SUSD1: variants seen among roughly 807,000 people sequenced by gnomAD.
The protein encoded by SUSD1 is sushi domain-containing protein 1.
Under a neutral mutation model 86.9 loss-of-function variants are expected in SUSD1, and 65 were observed. The ratio of observed to expected loss-of-function variants is 0.75; its 90% CI spans 0.61 to 0.92. SUSD1 has a LOEUF of 0.92. Ranked by LOEUF, SUSD1 falls within the 40% of genes least tolerant of loss-of-function variation. The pLI is 0.00. For missense variants in SUSD1, 850 were observed against 929.7 expected, an observed-to-expected ratio of 0.91 and a Z score of 1.11; for synonymous variants, 346 against 350.0, an observed-to-expected ratio of 0.99 and a Z score of 0.13.
intron 12 of SUSD1, among the ~76,000 whole-genome samples, chr9:112,076,585 TA>T (rs1829524795): frequency 6.6e-6 from 1 of 152,136 alleles, no homozygotes; most frequent in Admixed American, 6.5e-5. Context: ...AGGACATGTG[TA>T]GAAGTTGGGT....
At chr9:112,155,994 G>GAGAA (rs532253691) in intron 2 of SUSD1, among the ~76,000 whole-genome samples, 3 of 150,878 alleles carry the variant, frequency 2.0e-5, no homozygotes, top group Middle Eastern at 3.4e-3. Context: ...GAAAGAAAGA[G>GAGAA]AGAAAGAAAG....
intron 8 of SUSD1, among the ~76,000 whole-genome samples, chr9:112,109,744 T>C (rs1217857441): frequency 6.6e-6 from 1 of 152,242 alleles, no homozygotes; most frequent in African/African-American, 2.4e-5. Context: ...AGGTGAGTGA[T>C]GATCTTTTAA....
intron 8 of SUSD1, among the ~76,000 whole-genome samples, chr9:112,108,821 AAAAGAG>A (rs1589667192): frequency 1.4e-5 from 2 of 147,104 alleles, no homozygotes; most frequent in East Asian, 3.9e-4. Context: ...AAGAAAAAAA[AAAAGAG>A]AGAGAGAAAC....
intron 10 of SUSD1, among the ~76,000 whole-genome samples, chr9:112,086,562 G>GAAAGAAAGAAAGAAAGAAAGAC: frequency 7.6e-6 from 1 of 131,062 alleles, no homozygotes; most frequent in African/African-American, 3.4e-5. Context: ...AAGAAAGAAA[G>GAAAGAAAGAAAGAAAGAAAGAC]AGAGAGAGAG....
intron 5 of SUSD1, among the ~76,000 whole-genome samples, chr9:112,130,805 C>G (rs1251964338): frequency 6.8e-6 from 1 of 147,290 alleles, no homozygotes; most frequent in African/African-American, 2.6e-5. Flanking sequence ...GGGCAGATCA[C>G]TTTGAGCTCA....
intron 12 of SUSD1, among the ~76,000 whole-genome samples, chr9:112,070,384 C>A (rs557103890): frequency 6.6e-6 from 1 of 152,232 alleles, no homozygotes; most frequent in Non-Finnish European, 1.5e-5. Context: ...TTCTCAGCCA[C>A]ATTTCGAGGT....
At chr9:112,071,417 G>A (rs1829264618) in intron 12 of SUSD1, among the ~76,000 whole-genome samples, 1 of 151,972 alleles carries the variant, frequency 6.6e-6, no homozygotes, top group Non-Finnish European at 1.5e-5. Context: ...CTATGATTGT[G>A]CCACAGCACT....
chr9:112,120,963 G>C (rs917592421), intron 6 of SUSD1, among the ~76,000 whole-genome samples: 4 of 152,190 alleles, frequency 2.6e-5, no homozygotes, highest in Non-Finnish European at 5.9e-5. Flanking sequence ...CCCAAACATT[G>C]AATTCAGCAT....
intron 5 of SUSD1, among the ~76,000 whole-genome samples, chr9:112,136,335 G>A (rs1374931047): frequency 1.3e-5 from 2 of 152,200 alleles, no homozygotes; most frequent in East Asian, 1.9e-4. Flanking sequence ...CTGGGTTCAA[G>A]TGATCCTCCC....
intron 1 of SUSD1, among the ~76,000 whole-genome samples, chr9:112,171,958 G>C (rs757175408): frequency 2.0e-5 from 3 of 152,146 alleles, no homozygotes; most frequent in Admixed American, 6.5e-5. Context: ...CAATTTGGGA[G>C]GCTGAGGCGG....
intron 5 of SUSD1, among the ~76,000 whole-genome samples, chr9:112,129,509 C>T (rs994294530): frequency 6.6e-6 from 1 of 152,114 alleles, no homozygotes; most frequent in Non-Finnish European, 1.5e-5. Flanking sequence ...TATGGGGTTT[C>T]ACCATGTTGC....
intron 3 of SUSD1, among the ~76,000 whole-genome samples, 188 bp from the exon 4 acceptor site, chr9:112,143,811 A>G (rs943010001): frequency 2.0e-5 from 3 of 152,180 alleles, no homozygotes; most frequent in African/African-American, 7.2e-5. Flanking sequence ...CGTTCATATC[A>G]TAGGCACTGA....
At chr9:112,158,313 T>C (rs773901209) in intron 1 of SUSD1, among the ~76,000 whole-genome samples, 7 of 152,140 alleles carry the variant, frequency 4.6e-5, no homozygotes, top group Non-Finnish European at 1.0e-4. Flanking sequence ...TATGCCTTCT[T>C]CTCTACCTAG....
rs544653092 is a variant in SUSD1, at chr9:112,071,415, G to A, written c.1753+7123C>T. 1.2e-3 allele frequency among the ~76,000 whole-genome samples: 176 copies of A among 152,130 alleles called. 1 individual carries two copies. The highest frequency in any genetic ancestry group is 4.0e-3 in the African/African-American group (164 of 41,514). ...TTTGAGGCTGCAGTAAGCTATGATT[G>A]TGCCACAGCACTCCAGCCAGGGCAA... On this transcript the variant is annotated intron_variant, in intron 12 of 16. Coordinates refer to ENST00000374270, the MANE Select transcript of SUSD1 (RefSeq NM_022486.5).
Position 112,140,139 on chromosome 9 carries a change from G to T in SUSD1, c.706+2181C>A, listed in dbSNP as rs1356387417. Among the ~76,000 whole-genome samples, 11 of 130,350 alleles carry T rather than the reference G, an allele frequency of 8.4e-5. 3 individuals carry two copies. Among genetic ancestry groups the T allele is most frequent in the African/African-American group, 4.0e-4 (11 of 27,810 alleles). The allele number at this position is 130,350 out of a possible 152,430, so 85.5% of individuals were successfully genotyped here. A position where few individuals can be genotyped will look rare whatever the true frequency, so the allele number is the denominator to read the frequency against. On this transcript the variant is annotated intron_variant, in intron 5 of 16. Coordinates refer to ENST00000374270, the MANE Select transcript of SUSD1 (RefSeq NM_022486.5). The stretch of plus-strand genomic sequence containing the variant: ...GCACTTTGGGAGGCCGAGGCGGGTG[G>T]ATCATGAGGTCAGGAGATCGAGACC...
At chr9:112,099,648 T>C (rs1830543922) in intron 9 of SUSD1, among the ~76,000 whole-genome samples, 1 of 152,184 alleles carries the variant, frequency 6.6e-6, no homozygotes, top group East Asian at 1.9e-4. Flanking sequence ...GAAGGTCCTA[T>C]AAGTAATATG....
chr9:112,162,043 T>G (rs1833594020), intron 1 of SUSD1, among the ~76,000 whole-genome samples: 1 of 152,172 alleles, frequency 6.6e-6, no homozygotes. Flanking sequence ...ATTACAGTTT[T>G]TACTTTAAAA....
intron 1 of SUSD1, among the ~76,000 whole-genome samples, chr9:112,169,808 G>A (rs1460810166): frequency 6.6e-6 from 1 of 151,730 alleles, no homozygotes; most frequent in African/African-American, 2.4e-5. Context: ...CTGAGTAGCT[G>A]GGATTACAGG....
At chr9:112,069,741 T>C (rs1829174796) in intron 12 of SUSD1, among the ~76,000 whole-genome samples, 1 of 119,890 alleles carries the variant, frequency 8.3e-6, no homozygotes, top group Admixed American at 1.1e-4. Flanking sequence ...CTAGTTCCTC[T>C]AATCTCTTGG....
Sources: gnomAD v4.1 joint callset for allele counts (sites outside exome capture counted in the v4.1 genomes callset) on GRCh38, gnomAD v4.1.1 for gene constraint, MANE v1.5 for transcripts, NCBI Gene and HGNC (gene_info 2026-07-23, HGNC 2026-07-21) for gene names.